Variants in SGPP2 observed in about 807,000 individuals in gnomAD.
SGPP2 encodes the protein sphingosine 1-phosphate phosphohydrolase 2.
A neutral mutation model predicts 33.9 loss-of-function variants in SGPP2; 30 were observed. The ratio of observed to expected loss-of-function variants is 0.89; its 90% confidence interval spans 0.66 to 1.20. The LOEUF (loss-of-function observed/expected upper bound fraction) is 1.20, where lower values mean the gene tolerates loss of function less well. Ranked by LOEUF, SGPP2 falls within the 50% of genes most tolerant of loss-of-function variation. The pLI is 0.00. For missense variants in SGPP2, 458 were observed against 532.1 expected (o/e 0.86, Z 1.37); for synonymous variants, 233 against 225.0 (o/e 1.04, Z -0.32).
At chr2:222,518,311 G>A (rs1037067330) in intron 2 of SGPP2, among the ~76,000 whole-genome samples, 6 of 152,124 alleles carry the variant, frequency 3.9e-5, no homozygotes, top group African/African-American at 1.4e-4. Context: ...GAAGACAAAG[G>A]AACTCATGAA....
At chr2:222,429,518 AAC>A in intron 1 of SGPP2, among the ~76,000 whole-genome samples, 1 of 152,236 alleles carries the variant, frequency 6.6e-6, no homozygotes, top group Non-Finnish European at 1.5e-5. Flanking sequence ...AAAACTTGGA[AAC>A]ACACGAAGAG....
chr2:222,502,059 A>G (rs77609281), intron 2 of SGPP2, among the ~76,000 whole-genome samples: 2,348 of 152,304 alleles, frequency 0.015, 50 homozygotes, highest in African/African-American at 0.053. Flanking sequence ...AAATTTTCCC[A>G]TTTGTTAGGC....
intron 4 of SGPP2, among the ~76,000 whole-genome samples, chr2:222,553,538 C>T (rs1003491653): frequency 6.6e-6 from 1 of 152,174 alleles, no homozygotes; most frequent in East Asian, 1.9e-4. Context: ...CGCTTCTGAT[C>T]AGAATCATAG....
intron 4 of SGPP2, among the ~76,000 whole-genome samples, chr2:222,536,320 A>C (rs1263239257): frequency 2.0e-5 from 3 of 152,250 alleles, no homozygotes; most frequent in Non-Finnish European, 4.4e-5. Flanking sequence ...AATTAAAATG[A>C]TATGAATAGG....
At chr2:222,537,169 A>C (rs557122614) in intron 4 of SGPP2, among the ~76,000 whole-genome samples, 11 of 152,372 alleles carry the variant, frequency 7.2e-5, no homozygotes, top group Admixed American at 2.0e-4. Flanking sequence ...ATTTGGAAAA[A>C]TTAGGAAATA....
chr2:222,551,504 A>C (rs1689293577), intron 4 of SGPP2, among the ~76,000 whole-genome samples: 1 of 152,194 alleles, frequency 6.6e-6, no homozygotes. Context: ...TACTGTCTTT[A>C]TTTTTAGAAA....
At chr2:222,525,099 G>T in intron 4 of SGPP2, 66 bp downstream of exon 4, 1 of 1,125,706 alleles carries the variant, frequency 8.9e-7, no homozygotes, top group Non-Finnish European at 1.3e-6. Context: ...GTGTCAATAT[G>T]TTTCTCATAC....
chr2:222,482,567 G>A (rs1574854178), intron 2 of SGPP2, among the ~76,000 whole-genome samples: 1 of 105,654 alleles, frequency 9.5e-6, no homozygotes, highest in African/African-American at 4.6e-5. Flanking sequence ...TGGCTTAGTT[G>A]GGGGTCTCAC....
intron 4 of SGPP2, among the ~76,000 whole-genome samples, chr2:222,554,808 G>A (rs555948778): frequency 6.6e-6 from 1 of 152,204 alleles, no homozygotes; most frequent in South Asian, 2.1e-4. Context: ...CAACAAAAGA[G>A]AGCACCAGCT....
At chr2:222,496,419 T>G (rs1366458941) in intron 2 of SGPP2, among the ~76,000 whole-genome samples, 2 of 152,206 alleles carry the variant, frequency 1.3e-5, no homozygotes, top group Admixed American at 1.3e-4. Context: ...AAACATTCCC[T>G]CCATTCAGGC....
intron 2 of SGPP2, among the ~76,000 whole-genome samples, chr2:222,520,288 A>T (rs936235833): frequency 6.6e-6 from 1 of 151,956 alleles, no homozygotes; most frequent in African/African-American, 2.4e-5. Context: ...GCATTTTTTC[A>T]TATCTTTTTT....
chr2:222,521,777 A>G lies in SGPP2; in HGVS notation c.389A>G (p.Tyr130Cys), dbSNP rs771773053. Residue 130 changes from tyrosine to cysteine, a missense_variant, in exon 3 of 5, where the codon TAT becomes TGT. Transcript: ENST00000321276. ...CCTTTGGTTTTGCAGTTGGTGATGT[A>G]TATTGGCCAAGTGGCCAAGGATGTC... ...RLIIIWVLVM[Y>C]IGQVAKDVLK... 1 of 1,602,260 alleles carries G rather than the reference A, an allele frequency of 6.2e-7. No homozygotes were observed. The highest frequency in any genetic ancestry group is 8.5e-7 in the Non-Finnish European group (1 of 1,175,872).
At chr2:222,457,261 G>T (rs1407332840) in intron 1 of SGPP2, among the ~76,000 whole-genome samples, 1 of 151,572 alleles carries the variant, frequency 6.6e-6, no homozygotes, top group African/African-American at 2.4e-5. Flanking sequence ...GATGTTTCTT[G>T]TCTTAAAACT....
At position 222,562,350 on chromosome 2, in the gene SGPP2, A is replaced by G. The variant is rs1402989017; in HGVS notation, c.*3452A>G. On this transcript the variant is annotated 3_prime_UTR_variant, in exon 5 of 5. Transcript: ENST00000321276. ...AGATATTCAGAAGATGAAAACGTAGAAGACACCCCTGAATTAAAAACACTT... is the reference window on the plus strand; with the variant it reads ...AGATATTCAGAAGATGAAAACGTAGGAGACACCCCTGAATTAAAAACACTT... Among the ~76,000 whole-genome samples, 1 of 152,188 alleles carries G rather than the reference A, an allele frequency of 6.6e-6. No homozygotes were observed. Among genetic ancestry groups the G allele is most frequent in the African/African-American group, 2.4e-5 (1 of 41,446 alleles).
Position 222,497,556 on chromosome 2 carries a change from C to G in SGPP2, c.378+22830C>G, listed in dbSNP as rs533806835. Among the ~76,000 whole-genome samples the G allele has an allele frequency of 9.9e-4, 151 of 152,260 alleles. 1 individual carries two copies. Among genetic ancestry groups the G allele is most frequent in the African/African-American group, 3.4e-3 (142 of 41,570 alleles). ...GCCACCGCACCTAGCAGATCTCTTT[C>G]TTAACCTTGTAATTGGTGAGCAACA... On this transcript the variant is annotated intron_variant, in intron 2 of 4. Coordinates refer to ENST00000321276, the MANE Select transcript of SGPP2 (RefSeq NM_152386.4).
chr2:222,457,223 A>C lies in SGPP2; in HGVS notation c.220-17345A>C, dbSNP rs566074731. On this transcript the variant is annotated intron_variant, in intron 1 of 4. Coordinates refer to ENST00000321276, the MANE Select transcript of SGPP2 (RefSeq NM_152386.4). Reference sequence around the variant, plus strand: ...TTAACTACCATGTTTTGCAAATATGAGGCATACATGAAGGTAAACAAGTTT... The same window carrying C: ...TTAACTACCATGTTTTGCAAATATGCGGCATACATGAAGGTAAACAAGTTT... 3.2e-4 allele frequency among the ~76,000 whole-genome samples: 49 copies of C among 152,052 alleles called. 1 individual carries two copies. Among genetic ancestry groups the C allele is most frequent in the African/African-American group, 1.2e-3 (48 of 41,490 alleles).
chr2:222,455,049 A>G (rs1019584138), intron 1 of SGPP2, among the ~76,000 whole-genome samples: 1 of 152,048 alleles, frequency 6.6e-6, no homozygotes, highest in African/African-American at 2.4e-5. Flanking sequence ...AGTCTAGTTT[A>G]GATGAAAAAA....
chr2:222,435,007 CACACAT>C (rs1697214890), intron 1 of SGPP2, among the ~76,000 whole-genome samples: 2 of 27,678 alleles, frequency 7.2e-5, no homozygotes, highest in African/African-American at 2.2e-4. Context: ...CACACACACA[CACACAT>C]ATGTGTATAT....
At chr2:222,518,992 G>C (rs1331801175) in intron 2 of SGPP2, among the ~76,000 whole-genome samples, 1 of 152,204 alleles carries the variant, frequency 6.6e-6, no homozygotes, top group Admixed American at 6.5e-5. Flanking sequence ...CAATCCAGCT[G>C]ACTAATCAAA....
Sources: allele counts gnomAD v4.1 joint callset (sites outside exome capture counted in the v4.1 genomes callset), GRCh38; gene constraint gnomAD v4.1.1; transcripts MANE v1.5; gene names NCBI Gene and HGNC (gene_info 2026-07-23, HGNC 2026-07-21).